SELENBP1: variants seen among roughly 807,000 people sequenced by gnomAD.
The protein encoded by SELENBP1 is methanethiol oxidase.
In SELENBP1, 71 loss-of-function variants were observed where a neutral mutation model predicts 61.0. That is an observed-to-expected ratio of 1.16 (90% CI 0.96 to 1.42). The LOEUF (loss-of-function observed/expected upper bound fraction) is 1.42. SELENBP1 is among the 40% of genes most tolerant of loss of function. SELENBP1 has a pLI of 0.00. For missense variants in SELENBP1, 561 were observed against 605.0 expected, an observed-to-expected ratio of 0.93 and a Z score of 0.76; for synonymous variants, 270 against 238.9, an observed-to-expected ratio of 1.13 and a Z score of -1.20.
In SELENBP1 at chr1:151,365,664, GC is replaced by G; in HGVS notation, c.942del (p.Leu315SerfsTer18). On this transcript the variant is annotated frameshift_variant, in exon 9 of 12. Coordinates refer to ENST00000368868, the MANE Select transcript of SELENBP1 (RefSeq NM_003944.4). LOFTEE classifies it high-confidence loss of function. ...PEMPGLITDILLSLDDRFLYF... is the reference protein window; with the variant it reads ...PEMPGLITDIXLSLDDRFLYF... The stretch of plus-strand genomic sequence containing the variant: ...TAGAGGAAGCGGTCGTCCAGGGAGA[GC>G]AGGATGTCGGTGATCAGGCCTGTGG... 6.2e-7 allele frequency: 1 copy of G among 1,614,198 alleles called. No individual in the cohort carries two copies. Among genetic ancestry groups the G allele is most frequent in the Non-Finnish European group, 8.5e-7 (1 of 1,180,032 alleles).
At position 151,364,956 on chromosome 1, in the gene SELENBP1, C is replaced by G. The variant is rs1463706580; in HGVS notation, c.1226G>C (p.Trp409Ser). 2 of 1,613,862 alleles carry G rather than the reference C, an allele frequency of 1.2e-6. No homozygotes were observed. The highest frequency in any genetic ancestry group is 1.7e-6 in the Non-Finnish European group (2 of 1,179,990). The change falls in exon 11 of 12, where the codon TGG becomes TCG. Residue 409 changes from tryptophan to serine, a missense_variant. Coordinates refer to ENST00000368868, the MANE Select transcript of SELENBP1 (RefSeq NM_003944.4). Reference sequence around the variant, plus strand: ...GAGATCAGGGTAAAACTGCTTGTCCCAGGCACTGTACAGCGACGTGGTGAT... The same window carrying G: ...GAGATCAGGGTAAAACTGCTTGTCCGAGGCACTGTACAGCGACGTGGTGAT... ...LYITTSLYSA[W>S]DKQFYPDLIR...
intron 3 of SELENBP1, 111 bp downstream of exon 3, chr1:151,369,331 C>A: frequency 7.1e-7 from 1 of 1,417,370 alleles, no homozygotes; most frequent in South Asian, 1.3e-5. Context: ...TGAGCGTGCA[C>A]AAGCATCCCC....
intron 5 of SELENBP1, 56 bp downstream of exon 5, chr1:151,368,143 C>G: frequency 1.3e-6 from 2 of 1,584,722 alleles, no homozygotes; most frequent in Non-Finnish European, 1.7e-6. Flanking sequence ...CAGAAAAATG[C>G]TTCCCACATT....
chr1:151,366,904 C>T lies in SELENBP1; in HGVS notation c.482G>A (p.Gly161Glu). 2 of 1,613,550 alleles carry T rather than the reference C, an allele frequency of 1.2e-6. No homozygotes were observed. The highest frequency in any genetic ancestry group is 1.7e-6 in the Non-Finnish European group (2 of 1,179,628). The part of the protein sequence containing the change: ...SLGDVKGNGK[G>E]GFVLLDGETF... ...CTCCCCATCCAGCAGCACAAAACCC[C>T]CTGAACAGGGAAGGAAGCAGGGTGG... Residue 161 changes from glycine (G) to glutamate (E), a missense_variant and splice_region_variant, in exon 6 of 12, where the codon GGG becomes GAG. Physicochemically the swap from Gly to Glu is moderately conservative, Grantham distance 98. Transcript: ENST00000368868.
chr1:151,367,496 ATC>A (rs1490952277), intron 5 of SELENBP1, among the ~76,000 whole-genome samples: 8 of 151,956 alleles, frequency 5.3e-5, no homozygotes, highest in East Asian at 1.9e-4. Flanking sequence ...TGTCTACTTC[ATC>A]TCTCTCTCAG....
chr1:151,367,968 G>T (rs1479250700), intron 5 of SELENBP1, among the ~76,000 whole-genome samples: 1 of 152,206 alleles, frequency 6.6e-6, no homozygotes, highest in Non-Finnish European at 1.5e-5. Context: ...CACCTGGCCT[G>T]TTTTGACTAT....
chr1:151,366,863 C>T lies in SELENBP1; in HGVS notation c.523G>A (p.Gly175Arg), dbSNP rs1266094401. 5 of 1,614,014 alleles carry T rather than the reference C, an allele frequency of 3.1e-6. No individual in the cohort carries two copies. In the African/African-American group the frequency reaches 6.7e-5, roughly 22 times the overall value. Residue 175 changes from glycine to arginine, a missense_variant, in exon 6 of 12, where the codon GGG (glycine) becomes AGG (arginine). Transcript: ENST00000368868. The stretch of plus-strand genomic sequence containing the variant: ...GCACCCCCAGGTCTCTCCCATGTCC[C>T]CTTCACCTCGAACGTCTCCCCATCC... ...LLDGETFEVKGTWERPGGAAP... is the reference protein window; with the variant it reads ...LLDGETFEVKRTWERPGGAAP...
At chr1:151,365,741 C>A in intron 8 of SELENBP1, 27 bp downstream of exon 8, 1 of 1,614,086 alleles carries the variant, frequency 6.2e-7, no homozygotes, top group South Asian at 1.1e-5. Context: ...GGCCAAGAAT[C>A]AACTTTCCTA....
At position 151,372,694 on chromosome 1, in the gene SELENBP1, G is replaced by A. The variant is rs535568732; in HGVS notation, c.-53C>T. On this transcript the variant is annotated 5_prime_UTR_variant, in exon 1 of 12. Coordinates refer to ENST00000368868, the MANE Select transcript of SELENBP1 (RefSeq NM_003944.4). ...GCGGGTTTGCTGTGCTGGTGTCAGA[G>A]GCCGCTGTTCCGGGGAAGGAGCGAA... 242 of 1,613,886 alleles carry A rather than the reference G, an allele frequency of 1.5e-4. No homozygotes were observed. The East Asian group carries it at 3.2e-3, about 21-fold the overall frequency.
chr1:151,366,228 C>A, intron 7 of SELENBP1, 47 bp downstream of exon 7: 1 of 1,586,246 alleles, frequency 6.3e-7, no homozygotes, highest in Admixed American at 1.7e-5. Flanking sequence ...TTAGGTAGAG[C>A]TGCTGACAAG....
Position 151,364,368 on chromosome 1 carries a change from G to T in SELENBP1, c.*175C>A. On this transcript the variant is annotated 3_prime_UTR_variant, in exon 12 of 12. Transcript: ENST00000368868. ...AGAGCTCATGGAAAAGCAGCACAGT[G>T]AGCAACAAGCAACAGTGGTCAGTAA... 1.4e-6 allele frequency: 1 copy of T among 724,366 alleles called. No homozygotes were observed. The highest frequency in any genetic ancestry group is 2.3e-6 in the Non-Finnish European group (1 of 435,260). The allele number at this position is 724,366 out of a possible 1,614,324, so 44.9% of individuals were successfully genotyped here. A position where few individuals can be genotyped will look rare whatever the true frequency, so the allele number is the denominator to read the frequency against.
chr1:151,366,103 G>T (rs777987569), intron 7 of SELENBP1, 172 bp downstream of exon 7: 3 of 813,870 alleles, frequency 3.7e-6, no homozygotes, highest in Non-Finnish European at 5.9e-6. Context: ...GGATAAATAC[G>T]GCCAGTTAGG....
In SELENBP1 at chr1:151,369,093, G is replaced by A. The variant is rs545721441; in HGVS notation, c.271C>T (p.Arg91Cys). The A allele has an allele frequency of 2.2e-5, 36 of 1,614,050 alleles. No individual in the cohort carries two copies. The South Asian group carries it at 2.3e-4, about 10-fold the overall frequency. ...SSCFGDSTKSRTKLVLPSLIS... is the reference protein window; with the variant it reads ...SSCFGDSTKSCTKLVLPSLIS... ...AGACTGGGCAGCACCAGCTTGGTGC[G>A]CGACTTGGTGCTATCACCGAAGCAG... Residue 91 changes from arginine (R) to cysteine (C), a missense_variant, in exon 4 of 12, where the codon CGC (arginine) becomes TGC (cysteine). Transcript: ENST00000368868.
Position 151,367,090 on chromosome 1 carries a change from C to T in SELENBP1, c.482-186G>A. 5.0e-6 allele frequency: 7 copies of T among 1,394,812 alleles called. No homozygotes were observed. The South Asian group carries it at 8.6e-5, about 17-fold the overall frequency. 86.4% of individuals were successfully genotyped at this position (1,394,812 alleles called of 1,614,324 possible). A position where few individuals can be genotyped will look rare whatever the true frequency, so the allele number is the denominator to read the frequency against. On this transcript the variant is annotated intron_variant, in intron 5 of 11. Coordinates refer to ENST00000368868, the MANE Select transcript of SELENBP1 (RefSeq NM_003944.4). ...GGGAAGAGTGGCTCATGCCAGTAAT[C>T]CCAGCCCTTTGAGAGGCTGAGGCGG...
At chr1:151,365,948 A>G in intron 7 of SELENBP1, 102 bp from the exon 8 acceptor site, 1 of 1,231,634 alleles carries the variant, frequency 8.1e-7, no homozygotes, top group Non-Finnish European at 1.2e-6. Flanking sequence ...TGGGAGGGAG[A>G]GAATAGATGC....
chr1:151,368,354 A>G (rs72710113), intron 4 of SELENBP1, 35 bp from the exon 5 acceptor site: 29,819 of 1,603,902 alleles, frequency 0.019, 311 homozygotes, highest in Middle Eastern at 0.024. Flanking sequence ...AGAATCATAC[A>G]GGACTGGGAG....
chr1:151,366,189 C>T lies in SELENBP1; in HGVS notation c.843+86G>A, dbSNP rs557809383. 1.0e-4 allele frequency: 151 copies of T among 1,496,136 alleles called. 2 individuals are homozygous for T. Among genetic ancestry groups the T allele is most frequent in the South Asian group, 7.4e-4 (58 of 78,532 alleles). The allele number at this position is 1,496,136 out of a possible 1,614,324, so 92.7% of individuals were successfully genotyped here. A position where few individuals can be genotyped will look rare whatever the true frequency, so the allele number is the denominator to read the frequency against. On this transcript the variant is annotated intron_variant, in intron 7 of 11. Coordinates refer to ENST00000368868, the MANE Select transcript of SELENBP1 (RefSeq NM_003944.4). ...GCCTCATTTTTTTCGTTCCTGGAGA[C>T]GCCTGGGAGCACCGTTACAGAAGCC... is the stretch of plus-strand genomic sequence containing the variant.
At chr1:151,365,125 C>T (rs1200956595) in intron 10 of SELENBP1, 64 bp downstream of exon 10, 3 of 1,583,994 alleles carry the variant, frequency 1.9e-6, no homozygotes, top group Non-Finnish European at 2.6e-6. Context: ...TGCTCAGCTG[C>T]TCCCCCACAT....
Position 151,366,434 on chromosome 1 carries a change from T to C in SELENBP1, c.684A>G (p.Leu228=). 7 of 1,613,788 alleles carry C rather than the reference T, an allele frequency of 4.3e-6. No individual in the cohort carries two copies. Among genetic ancestry groups the C allele is most frequent in the Non-Finnish European group, 5.9e-6 (7 of 1,179,978 alleles). Residue 228 remains leucine (L), a synonymous_variant, in exon 7 of 12, where the codon TTA becomes TTG. Coordinates refer to ENST00000368868, the MANE Select transcript of SELENBP1 (RefSeq NM_003944.4). ...CATGGCGCTGCCAGTCCCATACATA[T>C]AAGTGGCTCCCGTACAGTCCTGGGG... ...DVEAGLYGSH[L]YVWDWQRHEI...
Sources: gnomAD v4.1 joint callset for allele counts (sites outside exome capture counted in the v4.1 genomes callset) on GRCh38, gnomAD v4.1.1 for gene constraint, MANE v1.5 for transcripts, NCBI Gene and HGNC (gene_info 2026-07-23, HGNC 2026-07-21) for gene names.